MBNL2: variants seen among roughly 807,000 people sequenced by gnomAD.
MBNL2 encodes the protein muscleblind-like protein 2.
Under a neutral mutation model 41.9 loss-of-function variants are expected in MBNL2, and 17 were observed. The observed-to-expected ratio is 0.41, with a 90% confidence interval of 0.28 to 0.61. The LOEUF is 0.61. Ranked by LOEUF, MBNL2 falls within the 20% of genes least tolerant of loss-of-function variation. The pLI is 0.35. For synonymous variants in MBNL2, 195 were observed against 182.9 expected, an observed-to-expected ratio of 1.07 and a Z score of -0.53; for missense variants, 336 against 505.6, an observed-to-expected ratio of 0.66 and a Z score of 3.22.
At chr13:97,259,331 C>T (rs1328568354) in intron 1 of MBNL2, among the ~76,000 whole-genome samples, 1 of 152,072 alleles carries the variant, frequency 6.6e-6, no homozygotes, top group Non-Finnish European at 1.5e-5. Context: ...GCACCAAGTC[C>T]CCCAGCTTTT....
chr13:97,178,702 T>A, the MBNL2 span, among the ~76,000 whole-genome samples: 1 of 152,042 alleles, frequency 6.6e-6, no homozygotes, highest in Non-Finnish European at 1.5e-5. Flanking sequence ...TCAAGACCAG[T>A]CTGGGCATCA....
the MBNL2 span, among the ~76,000 whole-genome samples, chr13:97,153,482 G>A: frequency 6.6e-6 from 1 of 152,122 alleles, no homozygotes; most frequent in Non-Finnish European, 1.5e-5. Flanking sequence ...AAGGTAGCTG[G>A]CAACAGGTGA....
chr13:97,323,364 G>A (rs987741097), intron 2 of MBNL2, among the ~76,000 whole-genome samples: 1 of 152,168 alleles, frequency 6.6e-6, no homozygotes, highest in Non-Finnish European at 1.5e-5. Flanking sequence ...CATTCAGTTG[G>A]CCCTCAGTAT....
Position 97,346,751 on chromosome 13 carries a change from G to A in MBNL2, c.541-53G>A. The stretch of plus-strand genomic sequence containing the variant: ...CTCCCGCGGTGGCCGGGGCCGCAGG[G>A]GCGCCTGGGCTCAGGCTTGCCTCTG... On this transcript the variant is annotated intron_variant, in intron 4 of 8. Transcript: ENST00000679496. The surrounding 1 kb of genome is among the most constrained non-coding windows in gnomAD (Gnocchi z 4.2). 1 of 1,555,060 alleles carries A rather than the reference G, an allele frequency of 6.4e-7. No individual in the cohort carries two copies. The highest frequency in any genetic ancestry group is 8.8e-7 in the Non-Finnish European group (1 of 1,139,680).
the MBNL2 span, among the ~76,000 whole-genome samples, chr13:97,198,252 C>T: frequency 1.3e-5 from 2 of 152,144 alleles, no homozygotes; most frequent in East Asian, 1.9e-4. Context: ...AAAGAGAATT[C>T]TCCTGCCTGA....
At chr13:97,229,367 G>A (rs370250225) in intron 1 of MBNL2, among the ~76,000 whole-genome samples, 8 of 151,634 alleles carry the variant, frequency 5.3e-5, no homozygotes, top group Non-Finnish European at 8.8e-5. Context: ...TCCACACCCC[G>A]GGCCAAGGGC....
chr13:97,266,470 G>A (rs1415632350), intron 1 of MBNL2, among the ~76,000 whole-genome samples: 3 of 152,174 alleles, frequency 2.0e-5, no homozygotes, highest in African/African-American at 4.8e-5. Flanking sequence ...CCTCTTCTCC[G>A]AGGCTGTGAT....
intron 1 of MBNL2, among the ~76,000 whole-genome samples, chr13:97,273,139 C>T (rs1489039776): frequency 1.3e-5 from 2 of 152,280 alleles, no homozygotes; most frequent in East Asian, 1.9e-4. Flanking sequence ...TTGGGAGAGA[C>T]TCTGCTGCCT....
At chr13:97,266,663 A>G (rs953215144) in intron 1 of MBNL2, among the ~76,000 whole-genome samples, 2 of 152,272 alleles carry the variant, frequency 1.3e-5, no homozygotes, top group Admixed American at 6.5e-5. Context: ...GTCTCCAGAA[A>G]TAGAGTGGGG....
At chr13:97,211,205 T>G in the MBNL2 span, among the ~76,000 whole-genome samples, 1 of 152,136 alleles carries the variant, frequency 6.6e-6, no homozygotes, top group African/African-American at 2.4e-5. Flanking sequence ...ATGAAAGATT[T>G]CTTCTAGCCC....
chr13:97,374,762 G>C (rs2064803996), intron 8 of MBNL2, among the ~76,000 whole-genome samples: 1 of 152,086 alleles, frequency 6.6e-6, no homozygotes, highest in African/African-American at 2.4e-5. Flanking sequence ...TCGTATTTTG[G>C]CTTTTGTTGA....
intron 1 of MBNL2, among the ~76,000 whole-genome samples, chr13:97,261,570 A>C (rs548143059): frequency 4.6e-5 from 7 of 152,218 alleles, no homozygotes; most frequent in African/African-American, 1.7e-4. Flanking sequence ...TTCATCTCAG[A>C]ATAAATTAAC....
At chr13:97,343,284 C>A in intron 4 of MBNL2, 68 bp downstream of exon 4, 1 of 1,170,132 alleles carries the variant, frequency 8.5e-7, no homozygotes, top group Non-Finnish European at 1.2e-6. Context: ...TAAGTGATTG[C>A]TTGTAAGATA....
At chr13:97,234,248 A>C (rs1241175433) in intron 1 of MBNL2, among the ~76,000 whole-genome samples, 1 of 152,176 alleles carries the variant, frequency 6.6e-6, no homozygotes. Flanking sequence ...ACCCTAAGCA[A>C]ATCAAGTGTC....
chr13:97,161,593 G>A, the MBNL2 span, among the ~76,000 whole-genome samples: 1 of 152,158 alleles, frequency 6.6e-6, no homozygotes, highest in African/African-American at 2.4e-5. Context: ...TACTATAACT[G>A]TAATTTATGA....
At chr13:97,253,927 C>T (rs2047056857) in intron 1 of MBNL2, among the ~76,000 whole-genome samples, 1 of 151,902 alleles carries the variant, frequency 6.6e-6, no homozygotes, top group East Asian at 1.9e-4. Flanking sequence ...GACAGAGTCT[C>T]ACTCTGTTGC....
the MBNL2 span, among the ~76,000 whole-genome samples, chr13:97,160,647 G>A: frequency 9.2e-5 from 14 of 152,122 alleles, no homozygotes; most frequent in East Asian, 3.9e-4. Flanking sequence ...GCTACTCATC[G>A]CTTTGTTAGA....
the MBNL2 span, among the ~76,000 whole-genome samples, chr13:97,197,256 C>T: frequency 2.0e-5 from 3 of 152,214 alleles, no homozygotes; most frequent in Non-Finnish European, 2.9e-5. Context: ...TTTGCAGGCA[C>T]GATTATTCTG....
chr13:97,283,722 T>A (rs921166179), intron 2 of MBNL2, among the ~76,000 whole-genome samples: 2 of 152,180 alleles, frequency 1.3e-5, no homozygotes, highest in African/African-American at 4.8e-5. Flanking sequence ...TGAGGATCAT[T>A]AAAAAAATCT....
Sources: gnomAD v4.1 joint callset for allele counts (sites outside exome capture counted in the v4.1 genomes callset) on GRCh38, gnomAD v4.1.1 for gene constraint, Gnocchi (gnomAD v3.1) non-coding constraint, MANE v1.5 for transcripts, NCBI Gene and HGNC (gene_info 2026-07-23, HGNC 2026-07-21) for gene names.